The following G3BP1 variants were observed in gnomAD, a reference collection of about 807,000 sequenced individuals.
G3BP1 encodes ras GTPase-activating protein-binding protein 1.
G3BP1 carries 35 observed loss-of-function variants against 58.6 expected under a neutral mutation model. That is an observed-to-expected ratio of 0.60 (90% CI 0.46 to 0.79). G3BP1 has a LOEUF of 0.79. G3BP1 is among the 30% of genes least tolerant of loss of function. The probability of loss-of-function intolerance (pLI) is 0.00; values close to 1 mark genes in which losing one functional copy is unlikely to be tolerated. For missense variants in G3BP1, 523 were observed against 580.8 expected (o/e 0.90, Z 1.02); for synonymous variants, 191 against 195.4 (o/e 0.98, Z 0.19).
chr5:151,795,367 T>G (rs1762732179), intron 5 of G3BP1, 112 bp from the exon 6 acceptor site: 1 of 634,736 alleles, frequency 1.6e-6, no homozygotes. Context: ...TTGTCCTACT[T>G]TGTTTATTTA....
At chr5:151,785,406 A>T (rs868525310) in intron 1 of G3BP1, among the ~76,000 whole-genome samples, 25 of 152,298 alleles carry the variant, frequency 1.6e-4, no homozygotes, top group South Asian at 1.5e-3. Context: ...TTAGAAATGG[A>T]TCAACCAGAG....
chr5:151,802,777 CA>C (rs1762875465), intron 11 of G3BP1, among the ~76,000 whole-genome samples: 1 of 152,080 alleles, frequency 6.6e-6, no homozygotes, highest in Admixed American at 6.5e-5. Flanking sequence ...ACTAAAAATA[CA>C]AAAAATTAGC....
rs1763030155 is a variant in G3BP1, at chr5:151,812,412, A to T, written c.*8321A>T. ...TTTGGAATAAAGGAAATGTAAAATT[A>T]TTTGCAGAATAATAACCTGGGATTT... On this transcript the variant is annotated 3_prime_UTR_variant, in exon 12 of 12. Coordinates refer to ENST00000356245, the MANE Select transcript of G3BP1 (RefSeq NM_005754.3). 1 of 152,212 alleles carries T rather than the reference A, an allele frequency of 6.6e-6. No individual in the cohort carries two copies. The highest frequency in any genetic ancestry group is 1.5e-5 in the Non-Finnish European group (1 of 68,046). 9.4% of individuals were successfully genotyped at this position (152,212 alleles called of 1,614,324 possible). A position where few individuals can be genotyped will look rare whatever the true frequency, so the allele number is the denominator to read the frequency against.
Position 151,800,358 on chromosome 5 carries a change from A to C in G3BP1, c.1084+12A>C, listed in dbSNP as rs1456900149. ...AGATTTCTTTCAAAGTAGGTTATTG[A>C]GTTTTGAACACTAAATTCATCTAGT... On this transcript the variant is annotated intron_variant, in intron 10 of 11. Coordinates refer to ENST00000356245, the MANE Select transcript of G3BP1 (RefSeq NM_005754.3). 2.5e-6 allele frequency: 4 copies of C among 1,605,022 alleles called. No homozygotes were observed.
At position 151,801,834 on chromosome 5, in the gene G3BP1, A is replaced by T. The variant is rs375345219; in HGVS notation, c.1194+965A>T. 5.4e-5 allele frequency among the ~76,000 whole-genome samples: 8 copies of T among 148,102 alleles called. No individual in the cohort carries two copies. In the South Asian group the frequency reaches 1.1e-3, roughly 20 times the overall value. ...TTATTTTTTTATTTTTTTTTTTTTG[A>T]GACAGTGTCTCTCTCTGCCACCCAG... On this transcript the variant is annotated intron_variant, in intron 11 of 11. Coordinates refer to ENST00000356245, the MANE Select transcript of G3BP1 (RefSeq NM_005754.3).
At chr5:151,783,047 CG>C (rs1217839645) in intron 1 of G3BP1, among the ~76,000 whole-genome samples, 3 of 151,474 alleles carry the variant, frequency 2.0e-5, no homozygotes, top group Non-Finnish European at 4.4e-5. Flanking sequence ...TTATTAGAGG[CG>C]GGGTTTCGCC....
At chr5:151,802,176 T>G (rs527483695) in intron 11 of G3BP1, among the ~76,000 whole-genome samples, 2 of 152,312 alleles carry the variant, frequency 1.3e-5, no homozygotes, top group African/African-American at 4.8e-5. Flanking sequence ...AAATATACAT[T>G]ATCTTTCAAA....
intron 4 of G3BP1, chr5:151,791,900 G>T: frequency 2.9e-6 from 1 of 344,044 alleles, no homozygotes; most frequent in Non-Finnish European, 5.7e-6. Flanking sequence ...CAAGTGATCT[G>T]CCTGCCTCAG....
chr5:151,790,743 G>A (rs1281274497), intron 3 of G3BP1, 146 bp from the exon 4 acceptor site: 3 of 586,120 alleles, frequency 5.1e-6, no homozygotes, highest in Non-Finnish European at 8.9e-6. Context: ...AGTATACAAA[G>A]AAACATCAAA....
chr5:151,786,027 C>G (rs1462773401), intron 1 of G3BP1, among the ~76,000 whole-genome samples: 1 of 152,242 alleles, frequency 6.6e-6, no homozygotes, highest in Non-Finnish European at 1.5e-5. Flanking sequence ...GGTGCTGTGG[C>G]TCACGCCTGT....
intron 1 of G3BP1, among the ~76,000 whole-genome samples, chr5:151,777,700 C>T (rs577774158): frequency 3.7e-4 from 56 of 152,294 alleles, no homozygotes; most frequent in Non-Finnish European, 7.2e-4. Context: ...CTACTGCACT[C>T]CAGCCTGGGC....
chr5:151,786,469 T>G (rs1376681692), intron 1 of G3BP1, 103 bp from the exon 2 acceptor site: 2 of 649,492 alleles, frequency 3.1e-6, no homozygotes, highest in Non-Finnish European at 5.6e-6. Flanking sequence ...TGTTTGTTTT[T>G]ATGATGTTTG....
chr5:151,794,861 T>G (rs1441493607), intron 5 of G3BP1, among the ~76,000 whole-genome samples: 1 of 152,192 alleles, frequency 6.6e-6, no homozygotes, highest in African/African-American at 2.4e-5. Flanking sequence ...CCTAGTAAAG[T>G]GGTAGAGCCT....
chr5:151,806,858 C>T lies in G3BP1; in HGVS notation c.*2767C>T, dbSNP rs1343689861. 1.3e-5 allele frequency: 2 copies of T among 152,064 alleles called. No individual in the cohort carries two copies. The highest frequency in any genetic ancestry group is 6.5e-5 in the Admixed American group (1 of 15,270). The allele number at this position is 152,064 out of a possible 1,614,324, so 9.4% of individuals were successfully genotyped here. On this transcript the variant is annotated 3_prime_UTR_variant, in exon 12 of 12. Coordinates refer to ENST00000356245, the MANE Select transcript of G3BP1 (RefSeq NM_005754.3). The stretch of plus-strand genomic sequence containing the variant: ...TATGTTGTCAGGCTGGTCTCAAGCT[C>T]CTGGCCTCATCAGTTCTCCTGCCTT...
intron 2 of G3BP1, chr5:151,787,352 T>C (rs1184039049): frequency 6.6e-6 from 1 of 152,280 alleles, no homozygotes; most frequent in East Asian, 1.9e-4. Flanking sequence ...TACCATACTT[T>C]TGTGTTGATG....
intron 11 of G3BP1, among the ~76,000 whole-genome samples, chr5:151,802,533 T>C (rs575378463): frequency 3.3e-4 from 51 of 152,324 alleles, no homozygotes; most frequent in African/African-American, 1.2e-3. Flanking sequence ...CTCATTAGTG[T>C]TGTGACCCAT....
intron 2 of G3BP1, among the ~76,000 whole-genome samples, chr5:151,789,744 A>G (rs1323158294): frequency 6.6e-6 from 1 of 152,204 alleles, no homozygotes; most frequent in Non-Finnish European, 1.5e-5. Context: ...CCATCTTGAC[A>G]TGAAACTACA....
At chr5:151,796,810 C>A (rs997692697) in intron 6 of G3BP1, among the ~76,000 whole-genome samples, 2 of 152,058 alleles carry the variant, frequency 1.3e-5, no homozygotes, top group African/African-American at 4.8e-5. Flanking sequence ...GGACTTTTCA[C>A]CTTACAACTT....
At chr5:151,793,718 G>T (rs1464602725) in intron 4 of G3BP1, among the ~76,000 whole-genome samples, 1 of 151,388 alleles carries the variant, frequency 6.6e-6, no homozygotes, top group Non-Finnish European at 1.5e-5. Context: ...TGTCAGCAGG[G>T]CATGCTGGCT....
Sources: allele counts gnomAD v4.1 joint callset (sites outside exome capture counted in the v4.1 genomes callset), GRCh38; gene constraint gnomAD v4.1.1; transcripts MANE v1.5; gene names NCBI Gene and HGNC (gene_info 2026-07-23, HGNC 2026-07-21).